Variants in DIP2C observed in about 807,000 individuals in gnomAD.
DIP2C encodes DIP2 acetate--CoA ligase C (putative).
DIP2C carries 33 observed loss-of-function variants against 192.4 expected under a neutral mutation model. That is an observed-to-expected ratio of 0.17 (90% CI 0.13 to 0.23). DIP2C has a LOEUF of 0.23. Ranked by LOEUF, DIP2C falls within the 10% of genes least tolerant of loss-of-function variation. The pLI, the probability that DIP2C is intolerant of heterozygous loss-of-function variation, is 1.00. For synonymous variants in DIP2C, 979 were observed against 864.1 expected (o/e 1.13, Z -2.33); for missense variants, 1,537 against 2,110.1 (o/e 0.73, Z 5.32).
chr10:315,856 GC>G (rs1956753552), intron 31 of DIP2C, among the ~76,000 whole-genome samples: 1 of 152,074 alleles, frequency 6.6e-6, no homozygotes, highest in African/African-American at 2.4e-5. Flanking sequence ...GTATTTTCAT[GC>G]CTTTTCTCCT....
At chr10:611,979 A>C in intron 1 of DIP2C, among the ~76,000 whole-genome samples, 1 of 65,570 alleles carries the variant, frequency 1.5e-5, no homozygotes, top group East Asian at 4.1e-4. Flanking sequence ...CTTTTTTTTA[A>C]GGGATCTATT....
intron 17 of DIP2C, among the ~76,000 whole-genome samples, chr10:378,331 G>A (rs995236263): frequency 5.3e-5 from 8 of 152,286 alleles, no homozygotes; most frequent in Middle Eastern, 6.8e-3. Flanking sequence ...ACATGAACAC[G>A]AAGGTGAAAA....
chr10:512,524 C>T (rs898456235), intron 1 of DIP2C, among the ~76,000 whole-genome samples: 23 of 152,186 alleles, frequency 1.5e-4, no homozygotes, highest in African/African-American at 4.8e-4. Flanking sequence ...GTGAAGGCTG[C>T]AGTCAGCCAA....
At position 567,967 on chromosome 10, in the gene DIP2C, C is replaced by T. The variant is rs556932609; in HGVS notation, c.86-81437G>A. ...ATAGAGGCTGAGGGGAGGCTCCCAT[C>T]CCATCCCAGGACATCCACGTCCCAC... is the stretch of plus-strand genomic sequence containing the variant. On this transcript the variant is annotated intron_variant, in intron 1 of 36. Coordinates refer to ENST00000280886, the MANE Select transcript of DIP2C (RefSeq NM_014974.3). Among the ~76,000 whole-genome samples, 77 of 152,330 alleles carry T rather than the reference C, an allele frequency of 5.1e-4. 1 individual carries two copies. Among genetic ancestry groups the T allele is most frequent in the Non-Finnish European group, 2.9e-5 (2 of 68,032 alleles).
chr10:554,355 A>G (rs569857308), intron 1 of DIP2C, among the ~76,000 whole-genome samples: 73 of 152,382 alleles, frequency 4.8e-4, no homozygotes, highest in South Asian at 2.9e-3. Flanking sequence ...TTCCATCTGC[A>G]GTGGATAAAT....
At chr10:646,998 G>C (rs1855486572) in intron 1 of DIP2C, among the ~76,000 whole-genome samples, 1 of 152,270 alleles carries the variant, frequency 6.6e-6, no homozygotes, top group Non-Finnish European at 1.5e-5. Flanking sequence ...ATGGTGGCAA[G>C]CTGGGCGAGA....
chr10:612,551 A>G (rs1564269389), intron 1 of DIP2C, among the ~76,000 whole-genome samples: 1 of 152,192 alleles, frequency 6.6e-6, no homozygotes, highest in Non-Finnish European at 1.5e-5. Context: ...CTTTGATTTC[A>G]AAAGAACAGA....
chr10:671,771 C>CAG (rs1830654983), intron 1 of DIP2C, among the ~76,000 whole-genome samples: 8 of 106,688 alleles, frequency 7.5e-5, no homozygotes, highest in African/African-American at 1.5e-4. Flanking sequence ...ACGGAGGAAA[C>CAG]GCCACAGACG....
intron 1 of DIP2C, among the ~76,000 whole-genome samples, chr10:520,939 C>T (rs986850199): frequency 6.6e-6 from 1 of 152,144 alleles, no homozygotes; most frequent in Non-Finnish European, 1.5e-5. Flanking sequence ...TTACATTTGA[C>T]GTTAAGTTTT....
intron 31 of DIP2C, among the ~76,000 whole-genome samples, chr10:321,169 T>TA (rs1956989838): frequency 6.6e-6 from 1 of 152,212 alleles, no homozygotes; most frequent in Non-Finnish European, 1.5e-5. Context: ...TGTACACCTG[T>TA]AATGTTTCCT....
chr10:416,677 G>A (rs1311736856), intron 6 of DIP2C, among the ~76,000 whole-genome samples: 1 of 152,156 alleles, frequency 6.6e-6, no homozygotes, highest in African/African-American at 2.4e-5. Flanking sequence ...TTTGATCAAT[G>A]AAAGAGTCAA....
At chr10:467,188 G>GAAT (rs1246913033) in intron 3 of DIP2C, among the ~76,000 whole-genome samples, 1 of 152,130 alleles carries the variant, frequency 6.6e-6, no homozygotes, top group Non-Finnish European at 1.5e-5. Flanking sequence ...ATACACCATG[G>GAAT]AATACTATGC....
At chr10:648,519 G>C (rs1294714666) in intron 1 of DIP2C, among the ~76,000 whole-genome samples, 2 of 151,872 alleles carry the variant, frequency 1.3e-5, no homozygotes, top group East Asian at 3.9e-4. Context: ...ATCCACATTG[G>C]ATGGTGGGCG....
intron 1 of DIP2C, among the ~76,000 whole-genome samples, chr10:526,796 C>A (rs186671327): frequency 1.6e-4 from 24 of 152,264 alleles, no homozygotes; most frequent in Admixed American, 3.9e-4. Flanking sequence ...CCTCTTCTTT[C>A]CTCCGTCCCG....
intron 3 of DIP2C, among the ~76,000 whole-genome samples, chr10:466,975 C>A (rs545926997): frequency 6.7e-6 from 1 of 149,256 alleles, no homozygotes; most frequent in African/African-American, 2.4e-5. Flanking sequence ...GTCAGTGTGG[C>A]GATTCCTCAG....
At chr10:405,764 ACT>A (rs1478822964) in intron 9 of DIP2C, among the ~76,000 whole-genome samples, 1 of 152,160 alleles carries the variant, frequency 6.6e-6, no homozygotes, top group Non-Finnish European at 1.5e-5. Flanking sequence ...GGAGACGCAC[ACT>A]CAACTCTTCA....
intron 1 of DIP2C, among the ~76,000 whole-genome samples, chr10:577,727 CTG>C (rs1285481130): frequency 2.0e-5 from 3 of 152,110 alleles, no homozygotes; most frequent in Non-Finnish European, 2.9e-5. Flanking sequence ...GATGAAGACT[CTG>C]AACACCTGGG....
chr10:679,433 A>C (rs1449260273), intron 1 of DIP2C, among the ~76,000 whole-genome samples: 4 of 19,606 alleles, frequency 2.0e-4, no homozygotes, highest in African/African-American at 8.5e-4. Context: ...GCCCATCTGT[A>C]CTCCCCACAC....
At chr10:350,048 G>A (rs1219201633) in intron 24 of DIP2C, among the ~76,000 whole-genome samples, 1 of 152,210 alleles carries the variant, frequency 6.6e-6, no homozygotes, top group Non-Finnish European at 1.5e-5. Context: ...GTGAGGGAAG[G>A]TGAGTTGCAA....
Sources: allele counts gnomAD v4.1 joint callset (sites outside exome capture counted in the v4.1 genomes callset), GRCh38; gene constraint gnomAD v4.1.1; transcripts MANE v1.5; gene names NCBI Gene and HGNC (gene_info 2026-07-23, HGNC 2026-07-21).